UNC79: variants seen among roughly 807,000 people sequenced by gnomAD.
UNC79 encodes the protein protein unc-79 homolog.
Under a neutral mutation model 283.1 loss-of-function variants are expected in UNC79, and 37 were observed. That is an observed-to-expected ratio of 0.13 (90% CI 0.10 to 0.17). The LOEUF is 0.17. Ranked by LOEUF, UNC79 falls within the 10% of genes least tolerant of loss-of-function variation. The pLI, the probability that UNC79 is intolerant of heterozygous loss-of-function variation, is 1.00. For synonymous variants in UNC79, 1,107 were observed against 1,200.2 expected (o/e 0.92, Z 1.61); for missense variants, 2,272 against 3,211.1 (o/e 0.71, Z 7.07).
At chr14:93,506,852 A>C (rs2059569285) in intron 7 of UNC79, among the ~76,000 whole-genome samples, 1 of 152,230 alleles carries the variant, frequency 6.6e-6, no homozygotes, top group African/African-American at 2.4e-5. Context: ...CGTCATCCAA[A>C]AAAGACAATG....
At chr14:93,438,303 C>T (rs895674842) in intron 1 of UNC79, among the ~76,000 whole-genome samples, 4 of 152,102 alleles carry the variant, frequency 2.6e-5, no homozygotes, top group Non-Finnish European at 5.9e-5. Context: ...ATCAACTTGT[C>T]TATTCACTTA....
chr14:93,552,551 T>C (rs2061953486), intron 14 of UNC79, among the ~76,000 whole-genome samples: 1 of 152,218 alleles, frequency 6.6e-6, no homozygotes, highest in African/African-American at 2.4e-5. Flanking sequence ...ACAACAGGTA[T>C]ATTATACTCT....
chr14:93,485,876 C>T (rs1011582214), intron 4 of UNC79, among the ~76,000 whole-genome samples: 1 of 152,072 alleles, frequency 6.6e-6, no homozygotes, highest in Non-Finnish European at 1.5e-5. Context: ...GTTTTAAAGG[C>T]CACTGTCTAC....
chr14:93,652,625 T>A (rs146718113), intron 35 of UNC79, among the ~76,000 whole-genome samples: 162 of 152,318 alleles, frequency 1.1e-3, no homozygotes, highest in Non-Finnish European at 1.5e-3. Flanking sequence ...TCTATTGAGA[T>A]ATAAGCTTTT....
chr14:93,608,064 G>T (rs763973840), intron 26 of UNC79, among the ~76,000 whole-genome samples: 7 of 152,150 alleles, frequency 4.6e-5, no homozygotes, highest in Non-Finnish European at 1.0e-4. Flanking sequence ...CTTGCTATGT[G>T]GCTCAGGCTG....
At chr14:93,614,021 T>C (rs1317218087) in intron 27 of UNC79, among the ~76,000 whole-genome samples, 3 of 151,466 alleles carry the variant, frequency 2.0e-5, no homozygotes, top group Non-Finnish European at 4.4e-5. Context: ...ATTGCCATTT[T>C]ATCAAACATT....
chr14:93,698,308 A>AT (rs1176499380), intron 47 of UNC79, among the ~76,000 whole-genome samples: 1 of 152,066 alleles, frequency 6.6e-6, no homozygotes, highest in Non-Finnish European at 1.5e-5. Flanking sequence ...TCTATCAATT[A>AT]TTGAGAAAGG....
intron 4 of UNC79, among the ~76,000 whole-genome samples, chr14:93,481,684 C>G (rs574800613): frequency 6.6e-6 from 1 of 152,158 alleles, no homozygotes; most frequent in East Asian, 1.9e-4. Context: ...ATTTTTTGTT[C>G]TATTCCTACT....
chr14:93,702,149 A>G (rs2075575915), intron 47 of UNC79, among the ~76,000 whole-genome samples: 1 of 152,192 alleles, frequency 6.6e-6, no homozygotes, highest in South Asian at 2.1e-4. Flanking sequence ...AGACAGTTAG[A>G]CTAGATAAAT....
At chr14:93,692,376 T>C (rs2074764793) in intron 46 of UNC79, among the ~76,000 whole-genome samples, 1 of 152,234 alleles carries the variant, frequency 6.6e-6, no homozygotes, top group Non-Finnish European at 1.5e-5. Flanking sequence ...CAGTTATTAA[T>C]ATTAAAAACA....
chr14:93,485,322 A>G (rs1208743594), intron 4 of UNC79, among the ~76,000 whole-genome samples: 2 of 151,812 alleles, frequency 1.3e-5, no homozygotes, highest in African/African-American at 2.4e-5. Flanking sequence ...CAAAGGGCAC[A>G]GGGTGTGCAA....
Position 93,545,377 on chromosome 14 carries a change from A to G in UNC79, c.1755+2681A>G, listed in dbSNP as rs544046121. ...AGGGCTTTTTAAAGTTTGCATTGCC[A>G]GAACTCTTAAAAGGAATCTCAGATT... is the stretch of plus-strand genomic sequence containing the variant. On this transcript the variant is annotated intron_variant, in intron 14 of 48. Coordinates refer to ENST00000555664, the Ensembl canonical transcript of UNC79. Among the ~76,000 whole-genome samples, 12 of 152,344 alleles carry G rather than the reference A, an allele frequency of 7.9e-5. No homozygotes were observed. In the South Asian group the frequency reaches 2.1e-3, roughly 26 times the overall value.
chr14:93,446,121 T>C (rs897169097), intron 1 of UNC79, among the ~76,000 whole-genome samples: 1 of 152,148 alleles, frequency 6.6e-6, no homozygotes, highest in Admixed American at 6.5e-5. Context: ...TATTGATTTT[T>C]GTACATAATT....
chr14:93,370,376 A>T (rs1300091551), intron 1 of UNC79, among the ~76,000 whole-genome samples: 2 of 151,534 alleles, frequency 1.3e-5, no homozygotes, highest in African/African-American at 4.8e-5. Flanking sequence ...AGCCAAAAAA[A>T]AGTGCTAGGA....
rs2067328085 is a variant in UNC79, at chr14:93,623,803, G to A, written c.5608+962G>A. ...AGCTACTCAGGAGGCTGAGGCAGGAGAATTGCTTGAACCTGGGAGGCGGAG... is the reference window on the plus strand; with the variant it reads ...AGCTACTCAGGAGGCTGAGGCAGGAAAATTGCTTGAACCTGGGAGGCGGAG... On this transcript the variant is annotated intron_variant, in intron 30 of 48. Transcript: ENST00000555664. 3.9e-5 allele frequency among the ~76,000 whole-genome samples: 6 copies of A among 152,242 alleles called. No homozygotes were observed. In the South Asian group the frequency reaches 1.2e-3, roughly 32 times the overall value.
chr14:93,433,087 C>T (rs1174265648), intron 1 of UNC79, among the ~76,000 whole-genome samples: 1 of 152,186 alleles, frequency 6.6e-6, no homozygotes, highest in Non-Finnish European at 1.5e-5. Flanking sequence ...GGAGCTAGAA[C>T]ATGTGGACTT....
In UNC79 at chr14:93,586,591, C is replaced by T. The variant is rs370015845; in HGVS notation, c.2804-5C>T. 6.2e-7 allele frequency: 1 copy of T among 1,610,854 alleles called. No homozygotes were observed. Among genetic ancestry groups the T allele is most frequent in the African/African-American group, 1.3e-5 (1 of 74,944 alleles). On this transcript the variant is annotated splice_region_variant and splice_polypyrimidine_tract_variant and intron_variant, in intron 20 of 48. Transcript: ENST00000555664. ...CCTAATTTTTGTGTAATTATTTCTT[C>T]ACAGCAGTAAAGAATGATACCGAAA...
At chr14:93,364,093 G>T (rs2054279850) in intron 1 of UNC79, among the ~76,000 whole-genome samples, 1 of 152,040 alleles carries the variant, frequency 6.6e-6, no homozygotes, top group Non-Finnish European at 1.5e-5. Flanking sequence ...AGAGACCCCT[G>T]CACACCAAAA....
chr14:93,688,931 C>T lies in UNC79; in HGVS notation c.7085+91C>T, dbSNP rs149941695. ...GCTCAGCTAGAGTTAAGGAGTACACCGAAGATTTATGACAGTGGAATATAC... is the reference window on the plus strand; with the variant it reads ...GCTCAGCTAGAGTTAAGGAGTACACTGAAGATTTATGACAGTGGAATATAC... On this transcript the variant is annotated intron_variant, in intron 44 of 48. Coordinates refer to ENST00000555664, the Ensembl canonical transcript of UNC79. This position sits in a 1 kb window ranked among gnomAD's most constrained non-coding sequence, Gnocchi z 4.0. 1.5e-4 allele frequency: 216 copies of T among 1,397,890 alleles called. 1 individual carries two copies. The African/African-American group carries it at 2.5e-3, about 16-fold the overall frequency. The allele number at this position is 1,397,890 out of a possible 1,614,324, so 86.6% of individuals were successfully genotyped here. A position where few individuals can be genotyped will look rare whatever the true frequency, so the allele number is the denominator to read the frequency against.
Sources: gnomAD v4.1 joint callset for allele counts (sites outside exome capture counted in the v4.1 genomes callset) on GRCh38, gnomAD v4.1.1 for gene constraint, Gnocchi (gnomAD v3.1) non-coding constraint, MANE v1.5 for transcripts, NCBI Gene and HGNC (gene_info 2026-07-23, HGNC 2026-07-21) for gene names.